The following NEBL variants were observed in gnomAD, a reference collection of about 807,000 sequenced individuals.
NEBL encodes nebulette, also known as LIM and SH3 protein 2.
In NEBL, 122 loss-of-function variants were observed where a neutral mutation model predicts 140.2. The observed-to-expected ratio is 0.87, with a 90% CI of 0.75 to 1.01. The LOEUF (loss-of-function observed/expected upper bound fraction) is 1.01. NEBL is among the 50% of genes least tolerant of loss of function. The probability of loss-of-function intolerance (pLI) is 0.00; values close to 1 mark genes in which losing one functional copy is unlikely to be tolerated. For missense variants in NEBL, 1,365 were observed against 1,231.3 expected (o/e 1.11, Z -1.62); for synonymous variants, 436 against 398.9 (o/e 1.09, Z -1.11).
At chr10:20,877,765 G>A (rs533829210) in intron 5 of NEBL, among the ~76,000 whole-genome samples, 12 of 152,222 alleles carry the variant, frequency 7.9e-5, no homozygotes, top group South Asian at 4.1e-4. Flanking sequence ...AGAAAGTCAC[G>A]CCTGGTCCAA....
chr10:21,094,406 G>A (rs1837073688), intron 2 of NEBL, among the ~76,000 whole-genome samples: 1 of 151,120 alleles, frequency 6.6e-6, no homozygotes. Flanking sequence ...GGAGGCTGAG[G>A]CAGGAGAATG....
intron 2 of NEBL, among the ~76,000 whole-genome samples, chr10:21,132,857 TC>T (rs1839176364): frequency 6.6e-6 from 1 of 152,226 alleles, no homozygotes; most frequent in African/African-American, 2.4e-5. Flanking sequence ...TTGTAACCAT[TC>T]TTTATAGATT....
intron 11 of NEBL, among the ~76,000 whole-genome samples, 157 bp downstream of exon 11, chr10:20,850,238 A>G (rs1223515765): frequency 6.6e-6 from 1 of 152,246 alleles, no homozygotes; most frequent in Non-Finnish European, 1.5e-5. Flanking sequence ...GACCTAGACA[A>G]GATCCCAGGC....
intron 4 of NEBL, among the ~76,000 whole-genome samples, chr10:20,916,073 T>G (rs1848542622): frequency 6.6e-6 from 1 of 152,224 alleles, no homozygotes; most frequent in Non-Finnish European, 1.5e-5. Flanking sequence ...AAATAATCTT[T>G]TATTTACTAG....
chr10:20,800,549 A>G (rs1364333592), intron 26 of NEBL, among the ~76,000 whole-genome samples: 1 of 152,150 alleles, frequency 6.6e-6, no homozygotes, highest in Non-Finnish European at 1.5e-5. Context: ...AGGAACTTCC[A>G]TACTGTTTTC....
At position 20,903,915 on chromosome 10, in the gene NEBL, A is replaced by C. The variant is rs139098744; in HGVS notation, c.357+57757T>G. Among the ~76,000 whole-genome samples, 2 of 113,106 alleles carry C rather than the reference A, an allele frequency of 1.8e-5. 1 individual carries two copies. The highest frequency in any genetic ancestry group is 4.9e-4 in the East Asian group (2 of 4,078). The allele number at this position is 113,106 out of a possible 152,430, so 74.2% of individuals were successfully genotyped here. A position where few individuals can be genotyped will look rare whatever the true frequency, so the allele number is the denominator to read the frequency against. On this transcript the variant is annotated intron_variant, in intron 4 of 6. Transcript: ENST00000417816. Reference sequence around the variant, plus strand: ...AAATCTACGGATTGGGAACAATTACACTACTCAAGTGACAAGTGCACTAAA... The same window carrying C: ...AAATCTACGGATTGGGAACAATTACCCTACTCAAGTGACAAGTGCACTAAA...
At chr10:21,163,355 G>A (rs1840633193) in intron 2 of NEBL, among the ~76,000 whole-genome samples, 1 of 152,138 alleles carries the variant, frequency 6.6e-6, no homozygotes, top group Non-Finnish European at 1.5e-5. Context: ...GTAGGCAGGA[G>A]AAGACAGTGC....
rs552628181 is a variant in NEBL, at chr10:20,847,165, T to C, written c.1117-1797A>G. ...CTTTATACCTACTTCATCAGTCCTATATTTAAAAATATTTTTTACACCAAA... is the reference window on the plus strand; with the variant it reads ...CTTTATACCTACTTCATCAGTCCTACATTTAAAAATATTTTTTACACCAAA... On this transcript the variant is annotated intron_variant, in intron 11 of 27. Transcript: ENST00000377122. 3.9e-5 allele frequency among the ~76,000 whole-genome samples: 6 copies of C among 152,298 alleles called. No individual in the cohort carries two copies. The South Asian group carries it at 1.0e-3, about 26-fold the overall frequency.
At chr10:20,942,822 A>G (rs1317920379) in intron 4 of NEBL, among the ~76,000 whole-genome samples, 1 of 152,270 alleles carries the variant, frequency 6.6e-6, no homozygotes, top group Non-Finnish European at 1.5e-5. Context: ...TATGCAGCCA[A>G]AAGACACATG....
chr10:20,869,609 G>A (rs972068245), intron 6 of NEBL, 131 bp downstream of exon 6: 106 of 707,098 alleles, frequency 1.5e-4, no homozygotes, highest in East Asian at 5.4e-4. Flanking sequence ...TTTAGGGGGG[G>A]AAATTGAGAT....
rs1018353250 is a variant in NEBL, at chr10:21,031,157, G to C, written c.165-10956C>G. On this transcript the variant is annotated intron_variant, in intron 2 of 6. Coordinates refer to the NEBL transcript ENST00000417816. ...ATGTCTGCATTTAAGCCCAGAAGTA[G>C]TGAGAAAAGGAAACAGCATGTCACT... Among the ~76,000 whole-genome samples the C allele has an allele frequency of 7.9e-5, 12 of 152,334 alleles. 1 individual carries two copies. The highest frequency in any genetic ancestry group is 4.1e-4 in the South Asian group (2 of 4,832).
At chr10:21,106,738 T>C (rs2132006111) in intron 2 of NEBL, among the ~76,000 whole-genome samples, 1 of 152,300 alleles carries the variant, frequency 6.6e-6, no homozygotes, top group South Asian at 2.1e-4. Context: ...CAGTAGTAGC[T>C]TGATGGGGAT....
At chr10:21,078,518 T>G (rs2131927457) in intron 2 of NEBL, among the ~76,000 whole-genome samples, 1 of 152,346 alleles carries the variant, frequency 6.6e-6, no homozygotes, top group South Asian at 2.1e-4. Flanking sequence ...CACTCCTGGT[T>G]AATACACTTT....
chr10:21,115,418 T>A (rs61851471), intron 2 of NEBL, among the ~76,000 whole-genome samples: 1 of 152,074 alleles, frequency 6.6e-6, no homozygotes. Flanking sequence ...TCTGTTAACA[T>A]TTCCTGTACT....
At chr10:21,168,178 T>A (rs1411095008) in intron 2 of NEBL, among the ~76,000 whole-genome samples, 1 of 152,202 alleles carries the variant, frequency 6.6e-6, no homozygotes, top group African/African-American at 2.4e-5. Context: ...ACAAGCAACA[T>A]ATTTAAACTG....
upstream of NEBL, among the ~76,000 whole-genome samples, chr10:20,901,870 T>C (rs542662567): frequency 6.6e-6 from 1 of 152,228 alleles, no homozygotes; most frequent in African/African-American, 2.4e-5. Flanking sequence ...ACTTTACTGA[T>C]GGACGAGGCA....
chr10:20,903,306 C>T (rs1190984410), intron 4 of NEBL, among the ~76,000 whole-genome samples: 1 of 151,888 alleles, frequency 6.6e-6, no homozygotes, highest in Non-Finnish European at 1.5e-5. Flanking sequence ...AAATTAAAAC[C>T]ACAATAAGAT....
intron 12 of NEBL, 54 bp downstream of exon 12, chr10:20,845,204 G>T: frequency 2.6e-6 from 3 of 1,136,570 alleles, no homozygotes; most frequent in Non-Finnish European, 4.0e-6. Context: ...ACATTTCCTG[G>T]GTTTTTTCTT....
chr10:21,285,079 C>T (rs1843038837), intron 1 of NEBL, among the ~76,000 whole-genome samples: 1 of 152,134 alleles, frequency 6.6e-6, no homozygotes, highest in Admixed American at 6.6e-5. Context: ...AAGAAAAGCA[C>T]CATCCTAACT....
Sources: gnomAD v4.1 joint callset for allele counts (sites outside exome capture counted in the v4.1 genomes callset) on GRCh38, gnomAD v4.1.1 for gene constraint, MANE v1.5 for transcripts, NCBI Gene and HGNC (gene_info 2026-07-23, HGNC 2026-07-21) for gene names.